The following YIPF4 variants were observed in gnomAD, a reference collection of about 807,000 sequenced individuals.
The protein encoded by YIPF4 is protein YIPF4.
A neutral mutation model predicts 29.4 loss-of-function variants in YIPF4; 18 were observed. The observed-to-expected ratio is 0.61, with a 90% CI of 0.42 to 0.91. YIPF4 has a LOEUF of 0.91. YIPF4 is among the 40% of genes least tolerant of loss of function. The pLI is 0.00. For missense variants in YIPF4, 279 were observed against 282.7 expected, an observed-to-expected ratio of 0.99 and a Z score of 0.09; for synonymous variants, 115 against 104.7, an observed-to-expected ratio of 1.10 and a Z score of -0.60.
intron 1 of YIPF4, among the ~76,000 whole-genome samples, chr2:32,279,599 C>T (rs552486256): frequency 7.0e-6 from 1 of 142,990 alleles, no homozygotes; most frequent in Admixed American, 7.1e-5. Context: ...TTAGTAGAGA[C>T]GGGGTTTCAT....
At chr2:32,303,793 A>C (rs1005749976) in intron 5 of YIPF4, among the ~76,000 whole-genome samples, 1 of 152,182 alleles carries the variant, frequency 6.6e-6, no homozygotes, top group African/African-American at 2.4e-5. Context: ...CTTTTTTTGA[A>C]ATTGGCATTA....
chr2:32,285,875 C>T (rs981878498), intron 1 of YIPF4, among the ~76,000 whole-genome samples: 6 of 152,012 alleles, frequency 3.9e-5, no homozygotes, highest in East Asian at 3.9e-4. Flanking sequence ...AGGTTGGTCT[C>T]GAAGTCTATG....
rs780376287 is a variant in YIPF4, at chr2:32,312,046, C to T, written c.*6420C>T. 1.1e-4 allele frequency: 16 copies of T among 151,966 alleles called. No homozygotes were observed. The highest frequency in any genetic ancestry group is 1.6e-4 in the Non-Finnish European group (11 of 68,014). The allele number at this position is 151,966 out of a possible 1,614,324, so 9.4% of individuals were successfully genotyped here. On this transcript the variant is annotated 3_prime_UTR_variant, in exon 6 of 6. Transcript: ENST00000238831. ...GAAACAACTCATATGTTTTGTAATC[C>T]TTATGGAGAATTACTTCATGTGATA...
intron 3 of YIPF4, among the ~76,000 whole-genome samples, chr2:32,292,584 C>T (rs889852370): frequency 3.3e-5 from 5 of 151,960 alleles, no homozygotes; most frequent in Non-Finnish European, 7.4e-5. Context: ...TATTTGTGGG[C>T]GGGTGTGGTG....
intron 4 of YIPF4, 129 bp from the exon 5 acceptor site, chr2:32,301,253 A>G (rs190622018): frequency 3.1e-6 from 2 of 635,838 alleles, no homozygotes; most frequent in African/African-American, 3.7e-5. Flanking sequence ...TAATGAGTAT[A>G]ATAGTTTATG....
intron 5 of YIPF4, among the ~76,000 whole-genome samples, chr2:32,304,006 G>A (rs2031491897): frequency 6.6e-6 from 1 of 152,022 alleles, no homozygotes; most frequent in African/African-American, 2.4e-5. Context: ...CTTAAAGTTG[G>A]ACCTAAATAT....
At chr2:32,285,364 C>T (rs1421059243) in intron 1 of YIPF4, among the ~76,000 whole-genome samples, 1 of 152,094 alleles carries the variant, frequency 6.6e-6, no homozygotes, top group Non-Finnish European at 1.5e-5. Flanking sequence ...GAAATGTTGA[C>T]AATAGGTTAT....
Position 32,314,809 on chromosome 2 carries a change from T to C in YIPF4, c.*9183T>C, listed in dbSNP as rs2031790128. On this transcript the variant is annotated 3_prime_UTR_variant, in exon 6 of 6. Transcript: ENST00000238831. ...TTATATTAGCTATTAAAAATTTAAG[T>C]CATTTAGGTCAATGAAACAGGAGGG... is the stretch of plus-strand genomic sequence containing the variant. 6.6e-6 allele frequency: 1 copy of C among 152,190 alleles called. No individual in the cohort carries two copies. The highest frequency in any genetic ancestry group is 2.4e-5 in the African/African-American group (1 of 41,448). 9.4% of individuals were successfully genotyped at this position (152,190 alleles called of 1,614,324 possible).
chr2:32,284,029 T>G (rs1044565129), intron 1 of YIPF4, among the ~76,000 whole-genome samples: 1 of 152,128 alleles, frequency 6.6e-6, no homozygotes, highest in African/African-American at 2.4e-5. Flanking sequence ...AGGCCTAATA[T>G]CACTTCTTAA....
At chr2:32,286,173 TACAC>T (rs911836340) in intron 1 of YIPF4, among the ~76,000 whole-genome samples, 1 of 152,092 alleles carries the variant, frequency 6.6e-6, no homozygotes, top group Admixed American at 6.6e-5. Context: ...TAAACACATA[TACAC>T]ACACACAAAT....
chr2:32,281,849 C>G (rs1226998817), intron 1 of YIPF4, among the ~76,000 whole-genome samples: 1 of 141,372 alleles, frequency 7.1e-6, no homozygotes, highest in Non-Finnish European at 1.5e-5. Context: ...GAGCCAAGAT[C>G]ATGCCATCAC....
intron 5 of YIPF4, among the ~76,000 whole-genome samples, chr2:32,303,814 G>T (rs1037435362): frequency 1.3e-5 from 2 of 152,108 alleles, no homozygotes; most frequent in Non-Finnish European, 1.5e-5. Context: ...TTAGAACTTA[G>T]TTTAAAGTCT....
At chr2:32,304,696 A>G (rs2031518074) in intron 5 of YIPF4, among the ~76,000 whole-genome samples, 1 of 152,198 alleles carries the variant, frequency 6.6e-6, no homozygotes, top group African/African-American at 2.4e-5. Context: ...TCAATATTGC[A>G]AGGTTTAGAA....
intron 5 of YIPF4, among the ~76,000 whole-genome samples, chr2:32,303,012 C>G (rs2031457292): frequency 6.6e-6 from 1 of 152,172 alleles, no homozygotes; most frequent in South Asian, 2.1e-4. Flanking sequence ...TTCTTACCCT[C>G]AATTTGTTCT....
At chr2:32,299,349 A>C (rs563852114) in intron 4 of YIPF4, among the ~76,000 whole-genome samples, 13 of 152,262 alleles carry the variant, frequency 8.5e-5, no homozygotes, top group Admixed American at 2.0e-4. Context: ...AGTAGCTTTA[A>C]TATCTGGCTG....
At chr2:32,288,295 G>A (rs188017843) in intron 1 of YIPF4, among the ~76,000 whole-genome samples, 10 of 152,152 alleles carry the variant, frequency 6.6e-5, no homozygotes, top group East Asian at 3.9e-4. Flanking sequence ...TTGCATCTGC[G>A]CTATGACAAA....
intron 4 of YIPF4, among the ~76,000 whole-genome samples, chr2:32,299,771 C>T (rs2148965973): frequency 6.6e-6 from 1 of 152,234 alleles, no homozygotes; most frequent in Middle Eastern, 3.4e-3. Context: ...GTGTTCGTGC[C>T]ACTGCACTGT....
rs35036420 is a variant in YIPF4, at chr2:32,279,394, C to CTTTTTTTTTT, written c.79+1172_79+1181dup. On this transcript the variant is annotated intron_variant, in intron 1 of 5. Transcript: ENST00000238831. ...AGTCTGAGAAAGAACCTAGATTTTC[C>CTTTTTTTTTT]TTTTTTTTTTTTTTTTTTTTTGAGA... is the stretch of plus-strand genomic sequence containing the variant. Among the ~76,000 whole-genome samples, 5 of 98,742 alleles carry CTTTTTTTTTT rather than the reference C, an allele frequency of 5.1e-5. 2 individuals are homozygous for CTTTTTTTTTT. The highest frequency in any genetic ancestry group is 8.2e-5 in the African/African-American group (2 of 24,488). The allele number at this position is 98,742 out of a possible 152,430, so 64.8% of individuals were successfully genotyped here.
intron 1 of YIPF4, among the ~76,000 whole-genome samples, chr2:32,285,682 G>A (rs1412220820): frequency 6.7e-6 from 1 of 148,820 alleles, no homozygotes; most frequent in Non-Finnish European, 1.5e-5. Flanking sequence ...TGGAGACGGA[G>A]TCTTGCTGTG....
Sources: allele counts gnomAD v4.1 joint callset (sites outside exome capture counted in the v4.1 genomes callset), GRCh38; gene constraint gnomAD v4.1.1; transcripts MANE v1.5; gene names NCBI Gene and HGNC (gene_info 2026-07-23, HGNC 2026-07-21).